The following ADORA1 variants were observed in gnomAD, a reference collection of about 807,000 sequenced individuals.
The protein encoded by ADORA1 is adenosine A1 receptor.
ADORA1 carries 6 observed loss-of-function variants against 19.9 expected under a neutral mutation model. That is an observed-to-expected ratio of 0.30 (90% confidence interval 0.17 to 0.59). The LOEUF (loss-of-function observed/expected upper bound fraction) is 0.59. ADORA1 is among the 20% of genes least tolerant of loss of function. The pLI, the probability that ADORA1 is intolerant of heterozygous loss-of-function variation, is 0.87. For synonymous variants in ADORA1, 194 were observed against 188.4 expected (o/e 1.03, Z -0.24); for missense variants, 302 against 439.2 (o/e 0.69, Z 2.79).
At chr1:203,163,318 G>C (rs752992315) in intron 3 of ADORA1, among the ~76,000 whole-genome samples, 1 of 152,190 alleles carries the variant, frequency 6.6e-6, no homozygotes, top group African/African-American at 2.4e-5. Context: ...TTTTACAGAG[G>C]AGACATTGAT....
chr1:203,129,165 G>T lies in ADORA1; in HGVS notation c.324G>T (p.Arg108=), dbSNP rs199688752. Residue 108 remains arginine, a synonymous_variant, in exon 3 of 4, where the codon CGG becomes CGT. Transcript: ENST00000337894. The stretch of plus-strand genomic sequence containing the variant: ...CAATTGCTGTGGACCGCTACCTCCG[G>T]GTCAAGATCCCTCTCCGGTGAGTCC... ...LLAIAVDRYL[R]VKIPLRYKMV... is the part of the protein sequence containing the mutation. 1.9e-6 allele frequency: 3 copies of T among 1,611,842 alleles called. No homozygotes were observed. The highest frequency in any genetic ancestry group is 2.5e-6 in the Non-Finnish European group (3 of 1,178,762).
At chr1:203,164,232 A>G (rs1312825237) in intron 3 of ADORA1, among the ~76,000 whole-genome samples, 1 of 152,190 alleles carries the variant, frequency 6.6e-6, no homozygotes, top group Non-Finnish European at 1.5e-5. Flanking sequence ...CCTTGACTCA[A>G]CCTATTTCCT....
At chr1:203,162,001 G>A (rs544957737) in intron 3 of ADORA1, among the ~76,000 whole-genome samples, 44 of 152,220 alleles carry the variant, frequency 2.9e-4, no homozygotes, top group Non-Finnish European at 5.9e-4. Context: ...ACTCCTGAGA[G>A]CAGCATCTCC....
intron 3 of ADORA1, among the ~76,000 whole-genome samples, chr1:203,138,020 A>G (rs1245262190): frequency 1.3e-5 from 2 of 152,232 alleles, no homozygotes; most frequent in Admixed American, 1.3e-4. Flanking sequence ...TGAATGTACC[A>G]TGATTTGTTT....
intron 3 of ADORA1, among the ~76,000 whole-genome samples, chr1:203,136,278 G>T (rs1227657580): frequency 6.6e-6 from 1 of 152,132 alleles, no homozygotes; most frequent in Non-Finnish European, 1.5e-5. Context: ...TGGCATACAC[G>T]TCCTCTTAGA....
chr1:203,134,616 A>T (rs1030142422), intron 3 of ADORA1, among the ~76,000 whole-genome samples: 5 of 152,186 alleles, frequency 3.3e-5, no homozygotes, highest in African/African-American at 1.2e-4. Flanking sequence ...GATGCCTTTT[A>T]CCCAGAGGCA....
chr1:203,129,199 G>T lies in ADORA1; in HGVS notation c.341+17G>T. ...CCCTCTCCGGTGAGTCCACAGCGCC[G>T]AAGGTACTCGCAGCACCACATGATG... On this transcript the variant is annotated intron_variant, in intron 3 of 3. Transcript: ENST00000337894. 6.3e-7 allele frequency: 1 copy of T among 1,593,260 alleles called. No homozygotes were observed. Among genetic ancestry groups the T allele is most frequent in the Non-Finnish European group, 8.6e-7 (1 of 1,168,138 alleles).
chr1:203,162,342 A>G (rs533574435), intron 3 of ADORA1, among the ~76,000 whole-genome samples: 4 of 151,806 alleles, frequency 2.6e-5, no homozygotes, highest in East Asian at 3.9e-4. Context: ...GAAAGCTTTA[A>G]CCCCGGGGGC....
intron 3 of ADORA1, among the ~76,000 whole-genome samples, chr1:203,158,503 G>A (rs1055868423): frequency 1.3e-5 from 2 of 152,174 alleles, no homozygotes; most frequent in Non-Finnish European, 2.9e-5. Context: ...TGTCTTCTGA[G>A]CTTTCACCAG....
At chr1:203,145,963 G>T (rs1415843970) in intron 3 of ADORA1, among the ~76,000 whole-genome samples, 1 of 152,294 alleles carries the variant, frequency 6.6e-6, no homozygotes, top group South Asian at 2.1e-4. Context: ...CCTGCACTCA[G>T]GTCAGAGTGT....
chr1:203,129,250 G>A lies in ADORA1; in HGVS notation c.341+68G>A. On this transcript the variant is annotated intron_variant, in intron 3 of 3. Coordinates refer to ENST00000337894, the MANE Select transcript of ADORA1 (RefSeq NM_000674.3). ...GCTGGCTTGAGGGCCATCTAGAAAG[G>A]AAAAAAGGTAGAGCATAAGACCCCA... The A allele has an allele frequency of 1.4e-5, 21 of 1,533,578 alleles. No homozygotes were observed. The Admixed American group carries it at 2.3e-4, about 17-fold the overall frequency. The allele number at this position is 1,533,578 out of a possible 1,614,324, so 95.0% of individuals were successfully genotyped here.
intron 3 of ADORA1, among the ~76,000 whole-genome samples, chr1:203,141,215 G>A (rs925213941): frequency 1.4e-5 from 2 of 145,126 alleles, no homozygotes; most frequent in African/African-American, 2.5e-5. Flanking sequence ...TGGCCTGCTC[G>A]TGGCAGCCCC....
Position 203,129,133 on chromosome 1 carries a change from CTGCTGGCAAT to C in ADORA1, c.298_307del (p.Ala100TrpfsTer17). 2 of 1,614,134 alleles carry C rather than the reference CTGCTGGCAAT, an allele frequency of 1.2e-6. No homozygotes were observed. The highest frequency in any genetic ancestry group is 1.7e-6 in the Non-Finnish European group (2 of 1,180,000). ...CCTCACCCAGAGCTCCATCCTGGCC[CTGCTGGCAAT>C]TGCTGTGGACCGCTACCTCCGGGTC... On this transcript the variant is annotated frameshift_variant, in exon 3 of 4. Coordinates refer to ENST00000337894, the MANE Select transcript of ADORA1 (RefSeq NM_000674.3). LOFTEE classifies it high-confidence loss of function.
chr1:203,163,027 C>G (rs993232447), intron 3 of ADORA1, among the ~76,000 whole-genome samples: 2 of 152,236 alleles, frequency 1.3e-5, no homozygotes, highest in African/African-American at 4.8e-5. Flanking sequence ...GGTCTTTGCC[C>G]GTAGACTCAT....
At position 203,128,277 on chromosome 1, in the gene ADORA1, G is replaced by A; in HGVS notation, c.-212-1G>A. The A allele has an allele frequency of 8.0e-7, 1 of 1,257,758 alleles. No individual in the cohort carries two copies. The highest frequency in any genetic ancestry group is 1.0e-6 in the Non-Finnish European group (1 of 965,130). The allele number at this position is 1,257,758 out of a possible 1,614,324, so 77.9% of individuals were successfully genotyped here. A position where few individuals can be genotyped will look rare whatever the true frequency, so the allele number is the denominator to read the frequency against. ...TGCCGTACCATGTGATTGCTTGAAA[G>A]GCCGGGCTGGGAGCGCTGCGGCGGG... On this transcript the variant is annotated splice_acceptor_variant, in intron 1 of 3. Transcript: ENST00000337894. LOFTEE classifies it low-confidence loss of function (5UTR_SPLICE). The surrounding 1 kb of genome is among the most constrained non-coding windows in gnomAD (Gnocchi z 5.9).
At chr1:203,142,080 C>T (rs1387257004) in intron 3 of ADORA1, among the ~76,000 whole-genome samples, 1 of 152,192 alleles carries the variant, frequency 6.6e-6, no homozygotes, top group Non-Finnish European at 1.5e-5. Context: ...TCCATTTCCT[C>T]TTCTGTAAAG....
intron 3 of ADORA1, among the ~76,000 whole-genome samples, chr1:203,154,658 C>T (rs893984689): frequency 2.0e-5 from 3 of 152,102 alleles, no homozygotes; most frequent in Non-Finnish European, 4.4e-5. Flanking sequence ...GACAGCTCCC[C>T]ACCACCGCCC....
chr1:203,128,562 G>A lies in ADORA1; in HGVS notation c.-58+130G>A, dbSNP rs1408387660. ...CACACCTGATAAAAAAGCCAGTGGA[G>A]GAGTGAGCGCTGCTATTTTAAGTTG... is the stretch of plus-strand genomic sequence containing the variant. On this transcript the variant is annotated intron_variant, in intron 2 of 3. Coordinates refer to ENST00000337894, the MANE Select transcript of ADORA1 (RefSeq NM_000674.3). This position sits in a 1 kb window ranked among gnomAD's most constrained non-coding sequence, Gnocchi z 5.9. 4 of 868,776 alleles carry A rather than the reference G, an allele frequency of 4.6e-6. No homozygotes were observed. Among genetic ancestry groups the A allele is most frequent in the Non-Finnish European group, 6.7e-6 (4 of 600,020 alleles). The allele number at this position is 868,776 out of a possible 1,614,324, so 53.8% of individuals were successfully genotyped here. A position where few individuals can be genotyped will look rare whatever the true frequency, so the allele number is the denominator to read the frequency against.
At chr1:203,159,310 A>G (rs908314669) in intron 3 of ADORA1, among the ~76,000 whole-genome samples, 9 of 152,228 alleles carry the variant, frequency 5.9e-5, no homozygotes, top group Non-Finnish European at 1.2e-4. Context: ...TCCTTTGCTT[A>G]AAATGACTTC....
Sources: gnomAD v4.1 joint callset for allele counts (sites outside exome capture counted in the v4.1 genomes callset) on GRCh38, gnomAD v4.1.1 for gene constraint, Gnocchi (gnomAD v3.1) non-coding constraint, MANE v1.5 for transcripts, NCBI Gene and HGNC (gene_info 2026-07-23, HGNC 2026-07-21) for gene names.